Variants in IFT25 observed in about 807,000 individuals in gnomAD.
The protein encoded by IFT25 is intraflagellar transport 25, also known as intraflagellar transport protein 25 homolog.
the IFT25 span, among the ~76,000 whole-genome samples, chr1:53,933,876 T>C: frequency 1.3e-5 from 2 of 152,182 alleles, no homozygotes; most frequent in East Asian, 3.8e-4. Flanking sequence ...TATACCTCCT[T>C]TATTAGAAAT....
chr1:53,935,106 G>A, the IFT25 span, among the ~76,000 whole-genome samples: 99 of 152,334 alleles, frequency 6.5e-4, no homozygotes, highest in African/African-American at 2.2e-3. Context: ...ATGAGGTCAA[G>A]AGATCAAGAC....
chr1:53,924,833 T>C, the IFT25 span, among the ~76,000 whole-genome samples: 1 of 152,126 alleles, frequency 6.6e-6, no homozygotes, highest in African/African-American at 2.4e-5. Context: ...CAAGACTCCA[T>C]CTCAAAAAAC....
chr1:53,937,853 C>T, the IFT25 span, among the ~76,000 whole-genome samples: 1 of 152,152 alleles, frequency 6.6e-6, no homozygotes, highest in South Asian at 2.1e-4. Flanking sequence ...AATTTTTCTA[C>T]TCCAAGACAG....
chr1:53,926,128 T>G, the IFT25 span, among the ~76,000 whole-genome samples: 25 of 151,954 alleles, frequency 1.6e-4, no homozygotes, highest in Admixed American at 1.6e-3. Context: ...TAAGACATTA[T>G]TGACATTTCA....
chr1:53,922,995 C>G, the IFT25 span, among the ~76,000 whole-genome samples: 1 of 152,096 alleles, frequency 6.6e-6, no homozygotes, highest in African/African-American at 2.4e-5. Flanking sequence ...AGTCCTGAAA[C>G]AATATACGAA....
At chr1:53,926,551 T>A in the IFT25 span, among the ~76,000 whole-genome samples, 1 of 152,180 alleles carries the variant, frequency 6.6e-6, no homozygotes, top group African/African-American at 2.4e-5. Context: ...GAAACCCAAT[T>A]CCTATTCAAA....
chr1:53,937,861 C>A, the IFT25 span, among the ~76,000 whole-genome samples: 4 of 152,164 alleles, frequency 2.6e-5, no homozygotes, highest in African/African-American at 4.8e-5. Context: ...TACTCCAAGA[C>A]AGAGTAGGAT....
At chr1:53,937,774 T>C in the IFT25 span, among the ~76,000 whole-genome samples, 1 of 152,226 alleles carries the variant, frequency 6.6e-6, no homozygotes. Flanking sequence ...TGGAAAGTCC[T>C]CTATTTCTGG....
the IFT25 span, among the ~76,000 whole-genome samples, chr1:53,915,301 GA>G: frequency 6.6e-6 from 1 of 152,096 alleles, no homozygotes; most frequent in Admixed American, 6.6e-5. Flanking sequence ...ATGGTAAACA[GA>G]AAAAATACGT....
the IFT25 span, among the ~76,000 whole-genome samples, chr1:53,914,672 G>C: frequency 6.6e-6 from 1 of 152,024 alleles, no homozygotes; most frequent in South Asian, 2.1e-4. Context: ...CTGTGTCAAA[G>C]ACTACATGCA....
At chr1:53,916,960 G>C in the IFT25 span, 1 of 316,760 alleles carries the variant, frequency 3.2e-6, no homozygotes, top group Non-Finnish European at 5.7e-6. Context: ...TGGCCAACAT[G>C]GCAAAACCCC....
chr1:53,928,605 T>A, the IFT25 span: 1 of 558,476 alleles, frequency 1.8e-6, no homozygotes, highest in African/African-American at 1.9e-5. Context: ...AAAAACCCTA[T>A]GGTAAAATAT....
chr1:53,918,459 G>A, the IFT25 span, among the ~76,000 whole-genome samples: 2 of 152,162 alleles, frequency 1.3e-5, no homozygotes, highest in South Asian at 2.1e-4. Context: ...GTCTCACATA[G>A]GCAATCAAAT....
chr1:53,920,228 C>T, the IFT25 span, among the ~76,000 whole-genome samples: 1,358 of 152,272 alleles, frequency 8.9e-3, 23 homozygotes, highest in African/African-American at 0.03. Context: ...CTTTTAAATA[C>T]AAATATTCAA....
chr1:53,931,270 G>A, the IFT25 span, among the ~76,000 whole-genome samples: 6 of 152,188 alleles, frequency 3.9e-5, no homozygotes, highest in African/African-American at 1.4e-4. Context: ...AAGTGCTTGT[G>A]AACATGTTTT....
the IFT25 span, among the ~76,000 whole-genome samples, chr1:53,927,970 G>A: frequency 1.3e-5 from 2 of 152,072 alleles, no homozygotes; most frequent in Non-Finnish European, 2.9e-5. Context: ...ACATATGAAG[G>A]CAAGATGCTG....
the IFT25 span, among the ~76,000 whole-genome samples, chr1:53,939,390 CAAAA>C: frequency 7.9e-5 from 5 of 63,048 alleles, no homozygotes; most frequent in Admixed American, 1.9e-4. Flanking sequence ...GACTCTGTCT[CAAAA>C]AAAAAAAAAA....
chr1:53,936,557 C>T, the IFT25 span, among the ~76,000 whole-genome samples: 2 of 152,158 alleles, frequency 1.3e-5, no homozygotes, highest in African/African-American at 4.8e-5. Flanking sequence ...ACCTATTTTA[C>T]ATGGATTATC....
At chr1:53,917,346 T>A in the IFT25 span, among the ~76,000 whole-genome samples, 1 of 152,162 alleles carries the variant, frequency 6.6e-6, no homozygotes, top group African/African-American at 2.4e-5. Flanking sequence ...AAATTCCAGA[T>A]TATCAGGCCA....
Sources: allele counts gnomAD v4.1 joint callset (sites outside exome capture counted in the v4.1 genomes callset), GRCh38; gene constraint gnomAD v4.1.1; transcripts MANE v1.5; gene names NCBI Gene and HGNC (gene_info 2026-07-23, HGNC 2026-07-21).